TET3: variants seen among roughly 807,000 people sequenced by gnomAD.
The protein encoded by TET3 is methylcytosine dioxygenase TET3.
A neutral mutation model predicts 141.4 loss-of-function variants in TET3; 19 were observed. The ratio of observed to expected loss-of-function variants is 0.13; its 90% CI spans 0.09 to 0.20. The LOEUF (loss-of-function observed/expected upper bound fraction) is 0.20. Among genes scored for constraint, TET3 ranks in the 10% least tolerant of loss-of-function variants. The probability of loss-of-function intolerance (pLI) is 1.00; values close to 1 mark genes in which losing one functional copy is unlikely to be tolerated. For missense variants in TET3, 1,874 were observed against 2,356.9 expected, an observed-to-expected ratio of 0.80 and a Z score of 4.24; for synonymous variants, 1,043 against 980.9, an observed-to-expected ratio of 1.06 and a Z score of -1.18.
the TET3 span, among the ~76,000 whole-genome samples, chr2:74,114,405 A>G: frequency 6.6e-6 from 1 of 152,216 alleles, no homozygotes; most frequent in South Asian, 2.1e-4. Flanking sequence ...AATCACCACT[A>G]AAGAACTTAT....
chr2:74,073,544 TG>T lies in TET3; in HGVS notation c.2495-4del, dbSNP rs765720623. 5.0e-6 allele frequency: 8 copies of T among 1,598,280 alleles called. No homozygotes were observed. The African/African-American group carries it at 6.8e-5, about 14-fold the overall frequency. ...CAAAAATGTTTACTCTCTGTGTTTCTGCAGAACAAATAGTGGAGAAAGATGA... is the reference window on the plus strand; with the variant it reads ...CAAAAATGTTTACTCTCTGTGTTTCTCAGAACAAATAGTGGAGAAAGATGA... On this transcript the variant is annotated splice_polypyrimidine_tract_variant and splice_region_variant and intron_variant, in intron 4 of 11. Coordinates refer to ENST00000409262, the MANE Select transcript of TET3 (RefSeq NM_001287491.2).
intron 2 of TET3, among the ~76,000 whole-genome samples, chr2:73,987,767 T>G (rs1684115447): frequency 6.6e-6 from 1 of 152,104 alleles, no homozygotes; most frequent in Non-Finnish European, 1.5e-5. Context: ...AGAGTTGTAC[T>G]TGATGGCTTT....
At chr2:74,095,745 C>G (rs144934092) in intron 10 of TET3, among the ~76,000 whole-genome samples, 2 of 152,362 alleles carry the variant, frequency 1.3e-5, no homozygotes, top group East Asian at 3.9e-4. Context: ...AACCAGTCCC[C>G]TATCAATGGA....
intron 3 of TET3, among the ~76,000 whole-genome samples, chr2:74,036,213 A>G (rs1276733516): frequency 6.6e-6 from 1 of 152,200 alleles, no homozygotes; most frequent in Non-Finnish European, 1.5e-5. Flanking sequence ...GAGATTAGCT[A>G]ACTTGCTTAT....
Position 74,107,175 on chromosome 2 carries a change from T to G in TET3, c.*4999T>G, listed in dbSNP as rs1340835069. 6.6e-6 allele frequency: 1 copy of G among 152,314 alleles called. No homozygotes were observed. The highest frequency in any genetic ancestry group is 1.5e-5 in the Non-Finnish European group (1 of 68,112). The allele number at this position is 152,314 out of a possible 1,614,324, so 9.4% of individuals were successfully genotyped here. A position where few individuals can be genotyped will look rare whatever the true frequency, so the allele number is the denominator to read the frequency against. On this transcript the variant is annotated 3_prime_UTR_variant, in exon 12 of 12. Coordinates refer to ENST00000409262, the MANE Select transcript of TET3 (RefSeq NM_001287491.2). ...CCAGGTGCACAGAGTGCGAGTGCAC[T>G]CCGCGAGTGCGGGGGGAGGGGCGGC...
chr2:74,099,256 T>G lies in TET3; in HGVS notation c.3268-20T>G. On this transcript the variant is annotated intron_variant, in intron 10 of 11. Transcript: ENST00000409262. ...CGGTCCCCCAACCCCATGTCCTCTC[T>G]CCCCCACTGCTTGGGGCAGGTCTGC... 1 of 1,554,162 alleles carries G rather than the reference T, an allele frequency of 6.4e-7. No individual in the cohort carries two copies. The highest frequency in any genetic ancestry group is 8.7e-7 in the Non-Finnish European group (1 of 1,146,386).
chr2:73,992,256 A>T (rs1684363013), intron 2 of TET3, among the ~76,000 whole-genome samples: 1 of 151,706 alleles, frequency 6.6e-6, no homozygotes, highest in Non-Finnish European at 1.5e-5. Context: ...TTCACTTCCT[A>T]CTGAACACCT....
intron 3 of TET3, among the ~76,000 whole-genome samples, chr2:74,003,782 G>A (rs1006619813): frequency 2.6e-5 from 4 of 151,342 alleles, no homozygotes; most frequent in African/African-American, 9.7e-5. Flanking sequence ...CTAGGGGACT[G>A]GGAAGAGAGT....
chr2:73,997,941 C>A (rs1291046658), intron 2 of TET3, among the ~76,000 whole-genome samples: 1 of 152,102 alleles, frequency 6.6e-6, no homozygotes, highest in Non-Finnish European at 1.5e-5. Context: ...CCCATAGAGG[C>A]CAGCCAGGAA....
Position 74,105,337 on chromosome 2 carries a change from G to GT in TET3, c.*3163dup. 1 of 398,596 alleles carries GT rather than the reference G, an allele frequency of 2.5e-6. No homozygotes were observed. Among genetic ancestry groups the GT allele is most frequent in the Non-Finnish European group, 4.4e-6 (1 of 226,064 alleles). The allele number at this position is 398,596 out of a possible 1,614,324, so 24.7% of individuals were successfully genotyped here. On this transcript the variant is annotated 3_prime_UTR_variant, in exon 12 of 12. Transcript: ENST00000409262. The stretch of plus-strand genomic sequence containing the variant: ...CTGCTCTGTTTTGTTTTCCCTGCCT[G>GT]TTGCGTGCAAGGGAAGTGCTTGTAA...
the TET3 span, among the ~76,000 whole-genome samples, chr2:74,129,978 C>A: frequency 6.6e-6 from 1 of 151,946 alleles, no homozygotes; most frequent in Non-Finnish European, 1.5e-5. Flanking sequence ...ACCTGTAATA[C>A]CAACTACTTG....
At chr2:73,995,906 A>G (rs900565796) in intron 2 of TET3, among the ~76,000 whole-genome samples, 7 of 152,098 alleles carry the variant, frequency 4.6e-5, no homozygotes, top group Non-Finnish European at 1.0e-4. Flanking sequence ...TGCCCAGTCC[A>G]CTGCTTCTCC....
At chr2:74,042,208 T>C (rs1380926160) in intron 3 of TET3, among the ~76,000 whole-genome samples, 2 of 152,208 alleles carry the variant, frequency 1.3e-5, no homozygotes, top group Non-Finnish European at 2.9e-5. Flanking sequence ...TGGCAGACCT[T>C]GTGAAACTTG....
chr2:74,052,170 G>A (rs1687981330), intron 4 of TET3, among the ~76,000 whole-genome samples: 2 of 152,150 alleles, frequency 1.3e-5, no homozygotes, highest in Admixed American at 6.5e-5. Context: ...AGTAGAGACG[G>A]GGTTTCACCG....
chr2:74,037,055 A>G (rs530760253), intron 3 of TET3, among the ~76,000 whole-genome samples: 1 of 152,284 alleles, frequency 6.6e-6, no homozygotes, highest in South Asian at 2.1e-4. Context: ...TAATGCTCTC[A>G]AGAAGTTAGA....
intron 5 of TET3, among the ~76,000 whole-genome samples, chr2:74,076,121 A>T (rs1299769290): frequency 6.6e-6 from 1 of 152,116 alleles, no homozygotes; most frequent in African/African-American, 2.4e-5. Context: ...AAGGATCAAG[A>T]GATCTTTGAA....
intron 4 of TET3, among the ~76,000 whole-genome samples, chr2:74,050,861 C>T (rs62150609): frequency 2.7e-5 from 4 of 150,756 alleles, no homozygotes; most frequent in African/African-American, 9.8e-5. Context: ...CTATGGTTTA[C>T]TTAAGGAAAA....
At chr2:74,082,519 G>T (rs768489872) in intron 6 of TET3, among the ~76,000 whole-genome samples, 2 of 151,692 alleles carry the variant, frequency 1.3e-5, no homozygotes, top group African/African-American at 2.4e-5. Flanking sequence ...TGTTTGCAGA[G>T]GGTGGGACTT....
chr2:73,990,934 T>G (rs1192949529), intron 2 of TET3, among the ~76,000 whole-genome samples: 1 of 152,142 alleles, frequency 6.6e-6, no homozygotes, highest in South Asian at 2.1e-4. Flanking sequence ...GGACCGCATC[T>G]GAGCATTTGT....
Sources: allele counts gnomAD v4.1 joint callset (sites outside exome capture counted in the v4.1 genomes callset), GRCh38; gene constraint gnomAD v4.1.1; transcripts MANE v1.5; gene names NCBI Gene and HGNC (gene_info 2026-07-23, HGNC 2026-07-21).